Variants in ASTN1 observed in about 807,000 individuals in gnomAD.
ASTN1 encodes astrotactin-1.
Under a neutral mutation model 140.7 loss-of-function variants are expected in ASTN1, and 41 were observed. The observed-to-expected ratio is 0.29, with a 90% CI of 0.23 to 0.38. ASTN1 has a LOEUF of 0.38. Ranked by LOEUF, ASTN1 falls within the 10% of genes least tolerant of loss-of-function variation. ASTN1 has a pLI of 1.00. For missense variants in ASTN1, 1,479 were observed against 1,678.8 expected, an observed-to-expected ratio of 0.88 and a Z score of 2.08; for synonymous variants, 640 against 652.2, an observed-to-expected ratio of 0.98 and a Z score of 0.29.
chr1:176,864,425 G>C lies in ASTN1; in HGVS notation c.3744C>G (p.Leu1248=), dbSNP rs757796786. The change falls in exon 23 of 23, where the codon CTC becomes CTG. Residue 1248 remains leucine, a synonymous_variant. Transcript: ENST00000361833. ...EPKISLRRSS[L]KYLGCRYSEI... ...CGCTGTAGCGGCACCCCAGGTACTT[G>C]AGTGAGCTGCGCCGCAAGCTTATCT... The C allele has an allele frequency of 6.8e-6, 11 of 1,614,156 alleles. No individual in the cohort carries two copies. The highest frequency in any genetic ancestry group is 1.1e-5 in the South Asian group (1 of 91,086).
At position 177,049,042 on chromosome 1, in the gene ASTN1, T is replaced by A. The variant is rs925984703; in HGVS notation, c.471+12036A>T. 3.7e-4 allele frequency among the ~76,000 whole-genome samples: 56 copies of A among 152,134 alleles called. 1 individual carries two copies. Among genetic ancestry groups the A allele is most frequent in the Admixed American group, 3.6e-3 (55 of 15,270 alleles). ...ATACTGCCCATAGACCATCACCTCA[T>A]ACTCGTAAATGGAAAAAAGAAAAGC... On this transcript the variant is annotated intron_variant, in intron 2 of 22. Transcript: ENST00000361833.
chr1:176,922,556 C>CAAAAAAAAAAAAAAAAAAAAAAAA (rs71129589), intron 16 of ASTN1, among the ~76,000 whole-genome samples: 26 of 77,580 alleles, frequency 3.4e-4, no homozygotes, highest in African/African-American at 1.2e-3. Flanking sequence ...GCCCCCACTG[C>CAAAAAAAAAAAAAAAAAAAAAAAA]AAAAAAAAAA....
At chr1:176,879,714 A>G (rs1242314040) in intron 20 of ASTN1, among the ~76,000 whole-genome samples, 2 of 152,344 alleles carry the variant, frequency 1.3e-5, no homozygotes, top group East Asian at 1.9e-4. Context: ...AATCAGTGCA[A>G]AATTTAAGTT....
chr1:177,154,640 G>A (rs1240958182), intron 1 of ASTN1, among the ~76,000 whole-genome samples: 1 of 151,118 alleles, frequency 6.6e-6, no homozygotes, highest in Non-Finnish European at 1.5e-5. Context: ...CATTAACACA[G>A]AACAACTATT....
chr1:177,048,274 C>A (rs1677346258), intron 2 of ASTN1, among the ~76,000 whole-genome samples: 1 of 152,158 alleles, frequency 6.6e-6, no homozygotes, highest in South Asian at 2.1e-4. Context: ...CTGACTTGTC[C>A]TTATCTTCCC....
chr1:176,957,990 A>T (rs1295951109), intron 10 of ASTN1, among the ~76,000 whole-genome samples, 162 bp from the exon 11 acceptor site: 1 of 152,204 alleles, frequency 6.6e-6, no homozygotes, highest in African/African-American at 2.4e-5. Flanking sequence ...CTAACAAACG[A>T]TGGGCATTCT....
intron 1 of ASTN1, among the ~76,000 whole-genome samples, chr1:177,117,439 C>T (rs560916168): frequency 3.5e-4 from 54 of 152,166 alleles, no homozygotes; most frequent in African/African-American, 1.2e-3. Flanking sequence ...AGATATTTAC[C>T]GAGAATCTAC....
At chr1:176,859,873 C>G (rs1667913185), downstream of ASTN1, among the ~76,000 whole-genome samples, 1 of 152,190 alleles carries the variant, frequency 6.6e-6, no homozygotes, top group African/African-American at 2.4e-5. Flanking sequence ...GACAGATATT[C>G]AGGAGGAGCT....
At chr1:176,942,301 G>A (rs1013228350) in intron 14 of ASTN1, among the ~76,000 whole-genome samples, 1 of 152,140 alleles carries the variant, frequency 6.6e-6, no homozygotes, top group South Asian at 2.1e-4. Flanking sequence ...GCACAGAGAA[G>A]TTAAGTAATG....
chr1:176,862,830 A>T lies in ASTN1; in HGVS notation c.*1454T>A. On this transcript the variant is annotated 3_prime_UTR_variant, in exon 23 of 23. Transcript: ENST00000361833. Reference sequence around the variant, plus strand: ...ATAAATGTTATCTGTCACTACTACTATTTAGAAAAAAAACCAATATAGCTC... The same window carrying T: ...ATAAATGTTATCTGTCACTACTACTTTTTAGAAAAAAAACCAATATAGCTC... The T allele has an allele frequency of 1.0e-6, 1 of 985,420 alleles. No homozygotes were observed. The allele number at this position is 985,420 out of a possible 1,614,324, so 61.0% of individuals were successfully genotyped here.
chr1:177,149,269 C>CTA (rs1397289787), intron 1 of ASTN1, among the ~76,000 whole-genome samples: 1 of 67,218 alleles, frequency 1.5e-5, no homozygotes, highest in African/African-American at 8.2e-5. Flanking sequence ...TATATATATA[C>CTA]TATATATAGT....
intron 2 of ASTN1, among the ~76,000 whole-genome samples, chr1:177,047,733 G>A (rs1386677830): frequency 1.3e-5 from 2 of 152,182 alleles, no homozygotes; most frequent in Non-Finnish European, 2.9e-5. Context: ...GCAGAGCATG[G>A]TGAAAAGGAA....
intron 19 of ASTN1, 131 bp downstream of exon 19, chr1:176,884,208 T>C (rs552456777): frequency 4.5e-5 from 47 of 1,038,836 alleles, no homozygotes; most frequent in Non-Finnish European, 6.0e-5. Flanking sequence ...CAGCTTCTTC[T>C]TCTCCCTGCT....
At chr1:177,104,815 T>C (rs1680475708) in intron 1 of ASTN1, among the ~76,000 whole-genome samples, 1 of 152,182 alleles carries the variant, frequency 6.6e-6, no homozygotes, top group Non-Finnish European at 1.5e-5. Flanking sequence ...CCTTCTTCTA[T>C]CAGTAAGAGG....
At chr1:177,086,255 C>T (rs1679463719) in intron 1 of ASTN1, among the ~76,000 whole-genome samples, 1 of 101,880 alleles carries the variant, frequency 9.8e-6, no homozygotes, top group African/African-American at 3.9e-5. Context: ...TCTCTAGTGG[C>T]ACTTTCTCTG....
Position 176,862,432 on chromosome 1 carries a change from G to T in ASTN1, c.*1852C>A. ...CTCCAAAGGCTAAGGGCGTACTTTC[G>T]CCCCTCCTCCTTCCACTGCACAGAG... is the stretch of plus-strand genomic sequence containing the variant. On this transcript the variant is annotated 3_prime_UTR_variant, in exon 23 of 23. Coordinates refer to ENST00000361833, the MANE Select transcript of ASTN1 (RefSeq NM_004319.3). 1.0e-6 allele frequency: 1 copy of T among 985,336 alleles called. No homozygotes were observed. Among genetic ancestry groups the T allele is most frequent in the Non-Finnish European group, 1.2e-6 (1 of 829,938 alleles). The allele number at this position is 985,336 out of a possible 1,614,324, so 61.0% of individuals were successfully genotyped here. A position where few individuals can be genotyped will look rare whatever the true frequency, so the allele number is the denominator to read the frequency against.
chr1:177,120,474 C>T (rs962708547), intron 1 of ASTN1, among the ~76,000 whole-genome samples: 2 of 152,206 alleles, frequency 1.3e-5, no homozygotes, highest in African/African-American at 4.8e-5. Context: ...AAAGCCCTGA[C>T]AGAAACTTAC....
Position 176,915,793 on chromosome 1 carries a change from T to A in ASTN1, c.2671+18359A>T, listed in dbSNP as rs1398284479. 1.3e-5 allele frequency among the ~76,000 whole-genome samples: 2 copies of A among 152,224 alleles called. 1 individual carries two copies. The highest frequency in any genetic ancestry group is 4.8e-5 in the African/African-American group (2 of 41,466). The stretch of plus-strand genomic sequence containing the variant: ...CACGATAAGGTCCCGATGTCTCACA[T>A]GTCCCTGGAATTGACATGCACCAGG... On this transcript the variant is annotated intron_variant, in intron 16 of 22. Coordinates refer to ENST00000361833, the MANE Select transcript of ASTN1 (RefSeq NM_004319.3).
chr1:177,007,201 C>T (rs1675042376), intron 8 of ASTN1, among the ~76,000 whole-genome samples: 1 of 152,158 alleles, frequency 6.6e-6, no homozygotes, highest in East Asian at 1.9e-4. Context: ...TAAGACCAGC[C>T]TGACCAACAT....
Sources: allele counts gnomAD v4.1 joint callset (sites outside exome capture counted in the v4.1 genomes callset), GRCh38; gene constraint gnomAD v4.1.1; transcripts MANE v1.5; gene names NCBI Gene and HGNC (gene_info 2026-07-23, HGNC 2026-07-21).